The following MAGI1 variants were observed in gnomAD, a reference collection of about 807,000 sequenced individuals.
MAGI1 encodes membrane associated guanylate kinase, WW and PDZ domain containing 1.
In MAGI1, 58 loss-of-function variants were observed where a neutral mutation model predicts 139.9. The observed-to-expected ratio is 0.41, with a 90% CI of 0.34 to 0.52. The LOEUF is 0.52. MAGI1 is among the 20% of genes least tolerant of loss of function. MAGI1 has a pLI of 0.12. For missense variants in MAGI1, 1,874 were observed against 1,901.6 expected, an observed-to-expected ratio of 0.99 and a Z score of 0.27; for synonymous variants, 812 against 737.9, an observed-to-expected ratio of 1.10 and a Z score of -1.63.
intron 1 of MAGI1, chr3:66,008,816 G>T (rs1195142198): frequency 6.6e-6 from 1 of 152,450 alleles, no homozygotes; most frequent in Admixed American, 6.5e-5. Context: ...AAGCTGGCCG[G>T]GGGGCAGGGG....
At chr3:65,807,719 G>A (rs73832959) in intron 1 of MAGI1, among the ~76,000 whole-genome samples, 5,631 of 152,258 alleles carry the variant, frequency 0.037, 347 homozygotes, top group African/African-American at 0.13. Context: ...GTCTGGTAGT[G>A]AGTGAAGTAG....
intron 1 of MAGI1, among the ~76,000 whole-genome samples, chr3:65,789,728 A>C (rs570705864): frequency 6.8e-4 from 104 of 152,308 alleles, no homozygotes; most frequent in African/African-American, 2.2e-3. Flanking sequence ...CTATGGCTGC[A>C]ATTAGGGACC....
chr3:65,820,657 GA>G (rs1226765931), intron 1 of MAGI1, among the ~76,000 whole-genome samples: 1 of 152,064 alleles, frequency 6.6e-6, no homozygotes, highest in South Asian at 2.1e-4. Flanking sequence ...CAGGTCACAA[GA>G]AAAAGGAAAT....
chr3:65,984,996 T>C (rs1271449470), intron 1 of MAGI1, among the ~76,000 whole-genome samples: 4 of 152,196 alleles, frequency 2.6e-5, no homozygotes, highest in Non-Finnish European at 5.9e-5. Context: ...CCCCAGGCCT[T>C]CTAACTCTCC....
chr3:65,811,555 C>G (rs772492519), intron 1 of MAGI1, among the ~76,000 whole-genome samples: 2 of 152,136 alleles, frequency 1.3e-5, no homozygotes, highest in Non-Finnish European at 2.9e-5. Flanking sequence ...GGAGCTATGA[C>G]TGAGAGCCAG....
chr3:65,364,710 T>C lies in MAGI1; in HGVS notation c.3306A>G (p.Pro1102=). The change falls in exon 20 of 23, where the codon CCA becomes CCG. Residue 1102 remains proline (P), a synonymous_variant. Transcript: ENST00000402939. ...TGAACTCAAATTGAGATTCCTGCTTTGGTTTGGTGGTATTCCTGCCAAAGT... is the reference window on the plus strand; with the variant it reads ...TGAACTCAAATTGAGATTCCTGCTTCGGTTTGGTGGTATTCCTGCCAAAGT... ...GTQETRNTTK[P]KQESQFEFKA... is the part of the protein sequence containing the mutation. The C allele has an allele frequency of 1.2e-6, 2 of 1,614,118 alleles. No homozygotes were observed. The highest frequency in any genetic ancestry group is 1.7e-6 in the Non-Finnish European group (2 of 1,179,988).
At chr3:65,640,705 A>G (rs2084933763) in intron 1 of MAGI1, among the ~76,000 whole-genome samples, 1 of 152,198 alleles carries the variant, frequency 6.6e-6, no homozygotes. Flanking sequence ...AATTCTCTTA[A>G]CTTCCTCTCC....
intron 1 of MAGI1, among the ~76,000 whole-genome samples, chr3:65,659,131 A>G (rs2086047984): frequency 6.6e-6 from 1 of 152,194 alleles, no homozygotes; most frequent in Non-Finnish European, 1.5e-5. Context: ...GTACAGAGCC[A>G]GTCTGACTCT....
chr3:65,473,639 C>CAAAAAAA (rs35970775), intron 4 of MAGI1, among the ~76,000 whole-genome samples: 1 of 87,354 alleles, frequency 1.1e-5, no homozygotes, highest in South Asian at 4.1e-4. Context: ...TACATGTTTA[C>CAAAAAAA]AAAAAAAAAA....
intron 2 of MAGI1, chr3:65,499,060 TAAAAAAA>T (rs60116533): frequency 2.6e-6 from 2 of 775,668 alleles, no homozygotes; most frequent in African/African-American, 4.0e-5. Context: ...AAACCGCTCT[TAAAAAAA>T]AAAAAACAAA....
chr3:65,812,468 T>TCTCACACACACACGCACACACACACACA (rs1176899313), intron 1 of MAGI1, among the ~76,000 whole-genome samples: 1 of 89,088 alleles, frequency 1.1e-5, no homozygotes, highest in African/African-American at 3.2e-5. Context: ...TCTCTCTCTC[T>TCTCACACACACACGCACACACACACACA]CACACACACA....
intron 1 of MAGI1, among the ~76,000 whole-genome samples, chr3:65,808,263 G>C (rs965083206): frequency 6.6e-6 from 1 of 152,170 alleles, no homozygotes; most frequent in Non-Finnish European, 1.5e-5. Flanking sequence ...GGGATTACAG[G>C]CATGAGACAT....
At chr3:65,782,353 G>A (rs75792621) in intron 1 of MAGI1, among the ~76,000 whole-genome samples, 3,036 of 152,156 alleles carry the variant, frequency 0.02, 80 homozygotes, top group African/African-American at 0.057. Context: ...TCCTTAGGTT[G>A]GAAAAGTCAA....
chr3:65,415,494 G>A (rs548663044), intron 12 of MAGI1, among the ~76,000 whole-genome samples: 1 of 152,306 alleles, frequency 6.6e-6, no homozygotes, highest in East Asian at 1.9e-4. Flanking sequence ...CCCAGGGCTG[G>A]CTCAGGCTGC....
At chr3:65,503,553 A>G (rs757646511) in intron 2 of MAGI1, among the ~76,000 whole-genome samples, 21 of 152,240 alleles carry the variant, frequency 1.4e-4, no homozygotes, top group South Asian at 2.1e-4. Flanking sequence ...GCCATTCAAC[A>G]GCAGGTGTGT....
At chr3:65,432,417 T>C (rs1575724327) in intron 10 of MAGI1, among the ~76,000 whole-genome samples, 1 of 152,194 alleles carries the variant, frequency 6.6e-6, no homozygotes. Context: ...TTTTGGTTAG[T>C]TATATCTAAA....
At chr3:65,378,961 C>T (rs1046906035) in intron 17 of MAGI1, among the ~76,000 whole-genome samples, 7 of 152,144 alleles carry the variant, frequency 4.6e-5, no homozygotes. Context: ...GGATTACAGG[C>T]GTGAGCAACA....
At chr3:65,539,405 C>A (rs545297930) in intron 2 of MAGI1, among the ~76,000 whole-genome samples, 7 of 152,162 alleles carry the variant, frequency 4.6e-5, no homozygotes, top group Non-Finnish European at 7.3e-5. Flanking sequence ...AAAGACACAC[C>A]AACTACTGTC....
At chr3:65,742,477 T>A (rs900949985) in intron 1 of MAGI1, among the ~76,000 whole-genome samples, 1 of 152,174 alleles carries the variant, frequency 6.6e-6, no homozygotes, top group African/African-American at 2.4e-5. Flanking sequence ...AATGTTCATA[T>A]GGGCTTTGGG....
Sources: allele counts gnomAD v4.1 joint callset (sites outside exome capture counted in the v4.1 genomes callset), GRCh38; gene constraint gnomAD v4.1.1; transcripts MANE v1.5; gene names NCBI Gene and HGNC (gene_info 2026-07-23, HGNC 2026-07-21).